Variants in DYM observed in about 807,000 individuals in gnomAD.
The protein encoded by DYM is dyggve-Melchior-Clausen syndrome protein.
In DYM, 78 loss-of-function variants were observed where a neutral mutation model predicts 93.1. The observed-to-expected ratio is 0.84, with a 90% confidence interval of 0.70 to 1.01. The LOEUF (loss-of-function observed/expected upper bound fraction) is 1.01. Among genes scored for constraint, DYM ranks in the 50% least tolerant of loss-of-function variants. The probability of loss-of-function intolerance (pLI) is 0.00; values close to 1 mark genes in which losing one functional copy is unlikely to be tolerated. For missense variants in DYM, 789 were observed against 845.0 expected (o/e 0.93, Z 0.82); for synonymous variants, 321 against 319.7 (o/e 1.00, Z -0.04).
intron 8 of DYM, among the ~76,000 whole-genome samples, chr18:49,303,153 C>T (rs1358707932): frequency 6.6e-6 from 1 of 152,168 alleles, no homozygotes. Flanking sequence ...GATTTGTTGC[C>T]TCTTCTGCCA....
chr18:49,163,439 G>A (rs989372662), intron 15 of DYM, among the ~76,000 whole-genome samples: 1 of 152,072 alleles, frequency 6.6e-6, no homozygotes, highest in Non-Finnish European at 1.5e-5. Flanking sequence ...TCTGCCTCCC[G>A]GATTCAAGTG....
chr18:49,375,266 T>A (rs929041341), intron 5 of DYM, among the ~76,000 whole-genome samples: 33 of 150,168 alleles, frequency 2.2e-4, no homozygotes, highest in East Asian at 3.9e-4. Flanking sequence ...GAAAAAAATA[T>A]ATATATATAA....
At position 49,282,113 on chromosome 18, in the gene DYM, T is replaced by G. The variant is rs2094997636; in HGVS notation, c.1009A>C (p.Thr337Pro). ...AFQINFNSLY[T>P]ALCEQQTSDQ... Reference sequence around the variant, plus strand: ...GATGTCTGCTGTTCACAAAGAGCTGTGTACAAACTATTAAAGTTGATCTGG... The same window carrying G: ...GATGTCTGCTGTTCACAAAGAGCTGGGTACAAACTATTAAAGTTGATCTGG... The change falls in exon 10 of 18, where the codon ACA becomes CCA. Residue 337 changes from threonine to proline, a missense_variant. Thr to Pro is a conservative substitution (Grantham distance 38). Transcript: ENST00000675505. 6.2e-7 allele frequency: 1 copy of G among 1,613,854 alleles called. No homozygotes were observed.
chr18:49,224,525 A>C (rs886249704), intron 13 of DYM, among the ~76,000 whole-genome samples: 1 of 151,998 alleles, frequency 6.6e-6, no homozygotes, highest in Non-Finnish European at 1.5e-5. Context: ...TGGTATTAGG[A>C]GGTGGGGTCT....
intron 1 of DYM, among the ~76,000 whole-genome samples, chr18:49,459,695 A>G (rs937472710): frequency 1.1e-4 from 16 of 152,082 alleles, no homozygotes; most frequent in African/African-American, 3.6e-4. Flanking sequence ...CAATCATCCC[A>G]TCACTTCTCT....
chr18:49,058,583 G>T (rs964015085), intron 17 of DYM, among the ~76,000 whole-genome samples: 1 of 152,006 alleles, frequency 6.6e-6, no homozygotes, highest in Non-Finnish European at 1.5e-5. Context: ...AAAGTGCTTG[G>T]GTTACAGGTG....
chr18:49,202,989 C>T (rs1418601259), intron 14 of DYM, among the ~76,000 whole-genome samples: 3 of 81,412 alleles, frequency 3.7e-5, no homozygotes, highest in Non-Finnish European at 5.2e-5. Context: ...GCCGTGCCAT[C>T]CGGGAGGGAG....
intron 8 of DYM, among the ~76,000 whole-genome samples, chr18:49,294,174 T>G (rs2060366150): frequency 6.6e-6 from 1 of 152,174 alleles, no homozygotes; most frequent in Admixed American, 6.5e-5. Flanking sequence ...CATTGGTCCA[T>G]GTATCTGTTT....
chr18:49,148,534 G>A (rs1309314878), intron 15 of DYM, among the ~76,000 whole-genome samples: 2 of 151,924 alleles, frequency 1.3e-5, no homozygotes, highest in African/African-American at 4.8e-5. Context: ...CTAGATTACA[G>A]GTGCAAGCCC....
chr18:49,217,918 T>C lies in DYM; in HGVS notation c.1461-8203A>G, dbSNP rs1055675924. Among the ~76,000 whole-genome samples, 196 of 152,302 alleles carry C rather than the reference T, an allele frequency of 1.3e-3. 1 individual carries two copies. The highest frequency in any genetic ancestry group is 2.2e-3 in the Non-Finnish European group (149 of 68,032). ...CACACATAACAATATTAACTTTAAATGTAAATGGACTAAATGCTCCAATTA... is the reference window on the plus strand; with the variant it reads ...CACACATAACAATATTAACTTTAAACGTAAATGGACTAAATGCTCCAATTA... On this transcript the variant is annotated intron_variant, in intron 13 of 17. Transcript: ENST00000675505.
At chr18:49,223,037 C>A (rs2093419601) in intron 13 of DYM, among the ~76,000 whole-genome samples, 1 of 152,010 alleles carries the variant, frequency 6.6e-6, no homozygotes, top group Non-Finnish European at 1.5e-5. Context: ...TAAACAGGAA[C>A]ACGTATTAAG....
At chr18:49,423,828 C>A (rs1223652489) in intron 2 of DYM, among the ~76,000 whole-genome samples, 1 of 152,010 alleles carries the variant, frequency 6.6e-6, no homozygotes, top group Non-Finnish European at 1.5e-5. Context: ...ACACATACAC[C>A]CTCCCAAGAC....
intron 13 of DYM, among the ~76,000 whole-genome samples, chr18:49,252,846 T>C (rs1403162969): frequency 6.6e-6 from 1 of 152,230 alleles, no homozygotes; most frequent in East Asian, 1.9e-4. Context: ...TATAATCTAC[T>C]CTTTATAAAT....
chr18:49,194,626 G>C (rs2091272788), intron 14 of DYM, among the ~76,000 whole-genome samples: 1 of 151,764 alleles, frequency 6.6e-6, no homozygotes, highest in South Asian at 2.1e-4. Flanking sequence ...ACTACAATTT[G>C]GTGACATTTT....
At chr18:49,062,645 G>T (rs2076077282) in intron 17 of DYM, among the ~76,000 whole-genome samples, 1 of 152,214 alleles carries the variant, frequency 6.6e-6, no homozygotes, top group Non-Finnish European at 1.5e-5. Context: ...TGGCCATGCT[G>T]TTTGCCATTT....
intron 1 of DYM, among the ~76,000 whole-genome samples, chr18:49,454,572 C>T (rs2082808652): frequency 6.6e-6 from 1 of 152,014 alleles, no homozygotes; most frequent in African/African-American, 2.4e-5. Context: ...ATCTGTGAGC[C>T]CTATGTAAAT....
chr18:49,298,475 G>C (rs189326532), intron 8 of DYM, among the ~76,000 whole-genome samples: 72 of 152,034 alleles, frequency 4.7e-4, no homozygotes, highest in Middle Eastern at 6.8e-3. Flanking sequence ...CAGCTACTCA[G>C]GAGGCTGAGA....
intron 15 of DYM, among the ~76,000 whole-genome samples, chr18:49,162,682 C>T (rs2087312655): frequency 6.6e-6 from 1 of 152,154 alleles, no homozygotes; most frequent in South Asian, 2.1e-4. Context: ...GAACAAAGGC[C>T]ACATGTTACT....
chr18:49,104,245 T>C (rs539720320), intron 16 of DYM, among the ~76,000 whole-genome samples: 47 of 152,310 alleles, frequency 3.1e-4, no homozygotes, highest in African/African-American at 1.0e-3. Flanking sequence ...ATGCTTGTGA[T>C]TTTTGCACAT....
Sources: allele counts gnomAD v4.1 joint callset (sites outside exome capture counted in the v4.1 genomes callset), GRCh38; gene constraint gnomAD v4.1.1; transcripts MANE v1.5; gene names NCBI Gene and HGNC (gene_info 2026-07-23, HGNC 2026-07-21).